The following CACNA2D3 variants were observed in gnomAD, a reference collection of about 807,000 sequenced individuals.
CACNA2D3 encodes voltage-dependent calcium channel subunit alpha-2/delta-3.
Under a neutral mutation model 160.6 loss-of-function variants are expected in CACNA2D3, and 60 were observed. That is an observed-to-expected ratio of 0.37 (90% CI 0.30 to 0.46). The LOEUF (loss-of-function observed/expected upper bound fraction) is 0.46. Among genes scored for constraint, CACNA2D3 ranks in the 20% least tolerant of loss-of-function variants. The pLI, the probability that CACNA2D3 is intolerant of heterozygous loss-of-function variation, is 1.00. For synonymous variants in CACNA2D3, 558 were observed against 492.9 expected (o/e 1.13, Z -1.75); for missense variants, 1,205 against 1,365.0 (o/e 0.88, Z 1.85).
intron 3 of CACNA2D3, among the ~76,000 whole-genome samples, chr3:54,363,762 C>T (rs1281427719): frequency 1.3e-5 from 2 of 152,174 alleles, no homozygotes; most frequent in Non-Finnish European, 2.9e-5. Flanking sequence ...AGCATTATGA[C>T]AATGAGGATT....
At chr3:55,007,478 A>G (rs773224645) in intron 32 of CACNA2D3, among the ~76,000 whole-genome samples, 1 of 152,236 alleles carries the variant, frequency 6.6e-6, no homozygotes. Flanking sequence ...TCAAAATATT[A>G]GCCCCTAGAG....
At chr3:54,158,473 T>C (rs1346838550) in intron 2 of CACNA2D3, among the ~76,000 whole-genome samples, 2 of 152,208 alleles carry the variant, frequency 1.3e-5, no homozygotes, top group African/African-American at 2.4e-5. Context: ...GTGAGAATTA[T>C]GCCATGTGTC....
chr3:54,595,159 A>G (rs1483789019), intron 9 of CACNA2D3, among the ~76,000 whole-genome samples: 5 of 152,232 alleles, frequency 3.3e-5, no homozygotes, highest in Non-Finnish European at 5.9e-5. Flanking sequence ...TAGAAAGGGC[A>G]CAACTGTTTA....
At chr3:54,460,927 CTTA>C (rs1559487322) in intron 4 of CACNA2D3, among the ~76,000 whole-genome samples, 2 of 152,054 alleles carry the variant, frequency 1.3e-5, no homozygotes, top group Non-Finnish European at 2.9e-5. Flanking sequence ...ATAGATAGCT[CTTA>C]TTATTTTGAG....
chr3:54,153,808 G>A (rs1196817368), intron 2 of CACNA2D3, among the ~76,000 whole-genome samples: 1 of 152,026 alleles, frequency 6.6e-6, no homozygotes, highest in Non-Finnish European at 1.5e-5. Context: ...TAATTATATT[G>A]CCTATTATTG....
chr3:54,572,133 G>A (rs1313417528), intron 8 of CACNA2D3, among the ~76,000 whole-genome samples: 1 of 127,790 alleles, frequency 7.8e-6, no homozygotes, highest in Non-Finnish European at 1.9e-5. Flanking sequence ...GCCTCTAAGT[G>A]ACATGGTGGC....
At chr3:54,732,004 AATC>A (rs1333208782) in intron 11 of CACNA2D3, among the ~76,000 whole-genome samples, 2 of 152,188 alleles carry the variant, frequency 1.3e-5, no homozygotes, top group Non-Finnish European at 2.9e-5. Context: ...GTGCTTCCTT[AATC>A]ATCTTCAAAT....
chr3:54,668,930 A>G (rs556941716), intron 11 of CACNA2D3, among the ~76,000 whole-genome samples: 2 of 152,198 alleles, frequency 1.3e-5, no homozygotes, highest in African/African-American at 2.4e-5. Context: ...CAAAGTTCCT[A>G]TTACTCAGTG....
chr3:54,998,968 GATCTCCTGA>G (rs1288737148), intron 31 of CACNA2D3, among the ~76,000 whole-genome samples: 1 of 152,016 alleles, frequency 6.6e-6, no homozygotes, highest in African/African-American at 2.4e-5. Context: ...GGATGGTCTC[GATCTCCTGA>G]CCTCATGATC....
intron 3 of CACNA2D3, among the ~76,000 whole-genome samples, chr3:54,331,513 A>ATCATCTCT (rs1314250490): frequency 6.6e-6 from 1 of 152,202 alleles, no homozygotes; most frequent in Non-Finnish European, 1.5e-5. Context: ...CATCATTGAT[A>ATCATCTCT]TCATCTCTGT....
chr3:54,680,911 A>G (rs1700333902), intron 11 of CACNA2D3, among the ~76,000 whole-genome samples: 1 of 152,152 alleles, frequency 6.6e-6, no homozygotes, highest in African/African-American at 2.4e-5. Context: ...CTGTGTGCCA[A>G]GTGCAGGGCT....
chr3:55,044,788 C>G (rs917399146), intron 35 of CACNA2D3, among the ~76,000 whole-genome samples: 1 of 152,092 alleles, frequency 6.6e-6, no homozygotes, highest in Admixed American at 6.5e-5. Flanking sequence ...GGAGTTCCTT[C>G]TGTTCCTAAT....
At chr3:54,225,070 A>G (rs556488888) in intron 2 of CACNA2D3, among the ~76,000 whole-genome samples, 92 of 151,666 alleles carry the variant, frequency 6.1e-4, no homozygotes, top group African/African-American at 2.2e-3. Context: ...CATCATTTAC[A>G]TTAGGTATAT....
At chr3:54,429,797 AT>A (rs1449664536) in intron 4 of CACNA2D3, among the ~76,000 whole-genome samples, 15 of 152,224 alleles carry the variant, frequency 9.9e-5, no homozygotes, top group African/African-American at 3.6e-4. Context: ...ACTTGAGGTA[AT>A]TTCTGTTTCA....
At chr3:54,896,970 C>A in intron 26 of CACNA2D3, 100 bp downstream of exon 26, 2 of 1,476,610 alleles carry the variant, frequency 1.4e-6, no homozygotes, top group Non-Finnish European at 1.9e-6. Context: ...TGAAAGGAAC[C>A]AAGTTCAACC....
At chr3:54,488,371 C>G (rs1701051032) in intron 4 of CACNA2D3, among the ~76,000 whole-genome samples, 1 of 152,110 alleles carries the variant, frequency 6.6e-6, no homozygotes, top group Admixed American at 6.5e-5. Context: ...GCTGGGGTGT[C>G]CATTAGTCTG....
intron 9 of CACNA2D3, among the ~76,000 whole-genome samples, chr3:54,595,313 GGTGTGTGTGTGTGTGTGTGTGTGT>G (rs71637562): frequency 7.6e-6 from 1 of 132,204 alleles, no homozygotes. Flanking sequence ...CTGTGTGTGT[GGTGTGTGTGTGTGTGTGTGTGTGT>G]GTGTGTGTGT....
At chr3:54,525,275 T>G (rs112592157) in intron 5 of CACNA2D3, among the ~76,000 whole-genome samples, 1 of 152,148 alleles carries the variant, frequency 6.6e-6, no homozygotes, top group Non-Finnish European at 1.5e-5. Flanking sequence ...TTGGCAAATA[T>G]ATTACCTCTC....
chr3:54,660,440 G>A (rs553827987), intron 11 of CACNA2D3, among the ~76,000 whole-genome samples: 9 of 152,194 alleles, frequency 5.9e-5, no homozygotes, highest in Admixed American at 1.3e-4. Context: ...GATTACAGGC[G>A]TGAGCCACCG....
Sources: gnomAD v4.1 joint callset for allele counts (sites outside exome capture counted in the v4.1 genomes callset) on GRCh38, gnomAD v4.1.1 for gene constraint, MANE v1.5 for transcripts, NCBI Gene and HGNC (gene_info 2026-07-23, HGNC 2026-07-21) for gene names.